The following NSG2 variants were observed in gnomAD, a reference collection of about 807,000 sequenced individuals.
NSG2 encodes neuronal vesicle trafficking associated 2.
In NSG2, 4 loss-of-function variants were observed where a neutral mutation model predicts 16.9. That is an observed-to-expected ratio of 0.24 (90% CI 0.12 to 0.54). NSG2 has a LOEUF of 0.54. NSG2 is among the 20% of genes least tolerant of loss of function. NSG2 has a pLI of 0.95. For missense variants in NSG2, 179 were observed against 221.1 expected (o/e 0.81, Z 1.21); for synonymous variants, 98 against 88.7 (o/e 1.11, Z -0.59).
At chr5:174,093,299 C>T (rs947445042) in intron 3 of NSG2, among the ~76,000 whole-genome samples, 2 of 152,206 alleles carry the variant, frequency 1.3e-5, no homozygotes, top group Admixed American at 6.5e-5. Context: ...TGAGCATCTA[C>T]TAGGATAGGC....
chr5:174,073,548 G>C (rs546722931), intron 3 of NSG2, among the ~76,000 whole-genome samples: 1 of 152,330 alleles, frequency 6.6e-6, no homozygotes, highest in South Asian at 2.1e-4. Flanking sequence ...GACTGAAGAT[G>C]CTGGCCTATG....
At chr5:174,068,400 A>G (rs990023111) in intron 3 of NSG2, among the ~76,000 whole-genome samples, 3 of 152,230 alleles carry the variant, frequency 2.0e-5, no homozygotes, top group Non-Finnish European at 4.4e-5. Flanking sequence ...TATGTGAGAA[A>G]ATGGGAAAAT....
intron 2 of NSG2, among the ~76,000 whole-genome samples, chr5:174,049,438 C>T (rs61271091): frequency 1.8e-4 from 21 of 113,674 alleles, no homozygotes; most frequent in South Asian, 5.3e-4. Context: ...TATGTGCACG[C>T]GCACGTGCAC....
intron 2 of NSG2, among the ~76,000 whole-genome samples, chr5:174,061,909 C>CTT (rs11426817): frequency 0.027 from 3,127 of 116,558 alleles, 175 homozygotes; most frequent in African/African-American, 0.097. Flanking sequence ...AGCCCCCAAA[C>CTT]TTTTTTTTTT....
intron 2 of NSG2, among the ~76,000 whole-genome samples, chr5:174,053,137 A>G (rs1387444407): frequency 6.6e-6 from 1 of 152,214 alleles, no homozygotes; most frequent in Non-Finnish European, 1.5e-5. Flanking sequence ...AGCTTTAGGC[A>G]CATTGCTTAG....
intron 3 of NSG2, chr5:174,066,396 G>C: frequency 2.5e-6 from 1 of 394,772 alleles, no homozygotes; most frequent in Non-Finnish European, 5.2e-6. Context: ...AATATTCCCA[G>C]GTTCACATGT....
chr5:174,084,520 G>A (rs535170809), intron 3 of NSG2, among the ~76,000 whole-genome samples: 2 of 152,276 alleles, frequency 1.3e-5, no homozygotes, highest in South Asian at 2.1e-4. Context: ...GGCCTGATGC[G>A]AGTTCCTTCC....
At chr5:174,073,578 G>A (rs1018621471) in intron 3 of NSG2, among the ~76,000 whole-genome samples, 7 of 152,152 alleles carry the variant, frequency 4.6e-5, no homozygotes, top group African/African-American at 1.7e-4. Flanking sequence ...AGGTGCTTTC[G>A]CCTGGCTTTG....
At chr5:174,090,830 C>T (rs535156201) in intron 3 of NSG2, among the ~76,000 whole-genome samples, 1 of 152,324 alleles carries the variant, frequency 6.6e-6, no homozygotes, top group South Asian at 2.1e-4. Flanking sequence ...AGAGGAGATA[C>T]TGCTGGGTGT....
At chr5:174,073,949 A>G (rs1760288881) in intron 3 of NSG2, among the ~76,000 whole-genome samples, 1 of 152,208 alleles carries the variant, frequency 6.6e-6, no homozygotes, top group Admixed American at 6.5e-5. Context: ...GGGCTGGAGT[A>G]ACTCACACCC....
intron 3 of NSG2, among the ~76,000 whole-genome samples, chr5:174,095,405 AT>A (rs2113470056): frequency 6.6e-6 from 1 of 152,160 alleles, no homozygotes; most frequent in South Asian, 2.1e-4. Context: ...CCAGGGAAGA[AT>A]CTCTCCTTTC....
At chr5:174,054,432 G>A (rs2113422546) in intron 2 of NSG2, among the ~76,000 whole-genome samples, 1 of 152,328 alleles carries the variant, frequency 6.6e-6, no homozygotes, top group East Asian at 1.9e-4. Context: ...AAGCTGGAGT[G>A]TAGTGGTGTG....
At chr5:174,078,535 G>C (rs1302547034) in intron 3 of NSG2, among the ~76,000 whole-genome samples, 1 of 152,188 alleles carries the variant, frequency 6.6e-6, no homozygotes. Context: ...CTGAAATCAA[G>C]CTGCAGTGAA....
intron 2 of NSG2, among the ~76,000 whole-genome samples, chr5:174,060,894 G>A (rs1351155113): frequency 6.6e-6 from 1 of 152,116 alleles, no homozygotes; most frequent in African/African-American, 2.4e-5. Context: ...CTGTTACCCT[G>A]GAGTTTTACA....
At chr5:174,100,540 C>T (rs1760882238) in intron 3 of NSG2, among the ~76,000 whole-genome samples, 1 of 152,186 alleles carries the variant, frequency 6.6e-6, no homozygotes, top group South Asian at 2.1e-4. Context: ...ACAACCTAGG[C>T]ATCAGCATTT....
At chr5:174,088,310 G>A (rs943226927) in intron 3 of NSG2, among the ~76,000 whole-genome samples, 2 of 152,152 alleles carry the variant, frequency 1.3e-5, no homozygotes, top group Non-Finnish European at 2.9e-5. Context: ...AGCTGCAGGC[G>A]GAGAGTCCGT....
At chr5:174,089,601 G>A (rs1371043056) in intron 3 of NSG2, among the ~76,000 whole-genome samples, 1 of 152,098 alleles carries the variant, frequency 6.6e-6, no homozygotes, top group Non-Finnish European at 1.5e-5. Flanking sequence ...AGGAAAGAAG[G>A]AAAGGAAGAG....
At chr5:174,095,501 T>C (rs929994622) in intron 3 of NSG2, among the ~76,000 whole-genome samples, 7 of 152,166 alleles carry the variant, frequency 4.6e-5, no homozygotes, top group African/African-American at 1.7e-4. Context: ...ATGTGGCTTC[T>C]CTTCTTTCTG....
chr5:174,107,715 C>A lies in NSG2; in HGVS notation c.*210C>A, dbSNP rs1195178089. 2 of 699,610 alleles carry A rather than the reference C, an allele frequency of 2.9e-6. No individual in the cohort carries two copies. Among genetic ancestry groups the A allele is most frequent in the Non-Finnish European group, 2.6e-6 (1 of 384,718 alleles). 43.3% of individuals were successfully genotyped at this position (699,610 alleles called of 1,614,324 possible). ...TTTTTGTTCCTTGGTATTGTTGATTCGTCGCCGAGTCAGGCTCATGTACAA... is the reference window on the plus strand; with the variant it reads ...TTTTTGTTCCTTGGTATTGTTGATTAGTCGCCGAGTCAGGCTCATGTACAA... On this transcript the variant is annotated 3_prime_UTR_variant, in exon 5 of 5. Transcript: ENST00000303177. The surrounding 1 kb of genome is among the most constrained non-coding windows in gnomAD (Gnocchi z 4.5).
Sources: allele counts gnomAD v4.1 joint callset (sites outside exome capture counted in the v4.1 genomes callset), GRCh38; gene constraint gnomAD v4.1.1; non-coding constraint Gnocchi (gnomAD v3.1); transcripts MANE v1.5; gene names NCBI Gene and HGNC (gene_info 2026-07-23, HGNC 2026-07-21).